C8orf34: variants seen among roughly 807,000 people sequenced by gnomAD.
The protein encoded by C8orf34 is chromosome 8 open reading frame 34, also known as uncharacterized protein C8orf34.
Under a neutral mutation model 68.3 loss-of-function variants are expected in C8orf34, and 65 were observed. That is an observed-to-expected ratio of 0.95 (90% CI 0.78 to 1.17). C8orf34 has a LOEUF of 1.17. C8orf34 is among the 50% of genes most tolerant of loss of function. C8orf34 has a pLI of 0.00. For synonymous variants in C8orf34, 244 were observed against 241.2 expected (o/e 1.01, Z -0.11); for missense variants, 664 against 655.4 (o/e 1.01, Z -0.14).
intron 7 of C8orf34, among the ~76,000 whole-genome samples, chr8:68,637,712 G>A (rs187109040): frequency 2.8e-4 from 42 of 152,282 alleles, no homozygotes; most frequent in Non-Finnish European, 5.1e-4. Flanking sequence ...CTAATTAGTA[G>A]ATTATAATAA....
At chr8:68,624,145 G>C (rs990919456) in intron 7 of C8orf34, among the ~76,000 whole-genome samples, 1 of 151,702 alleles carries the variant, frequency 6.6e-6, no homozygotes, top group African/African-American at 2.4e-5. Context: ...GGTGGTGCAC[G>C]CCTGTAATCC....
At chr8:68,470,450 C>G (rs1812333671) in intron 4 of C8orf34, among the ~76,000 whole-genome samples, 1 of 151,964 alleles carries the variant, frequency 6.6e-6, no homozygotes, top group Non-Finnish European at 1.5e-5. Flanking sequence ...CTGTGTTCCC[C>G]CAAATTTTTA....
intron 1 of C8orf34, among the ~76,000 whole-genome samples, chr8:68,344,065 T>C (rs576038991): frequency 1.3e-5 from 2 of 152,310 alleles, no homozygotes; most frequent in South Asian, 2.1e-4. Context: ...TTCATACTCC[T>C]GAACATTTAT....
chr8:68,532,334 T>C (rs758468922), intron 6 of C8orf34, among the ~76,000 whole-genome samples: 29 of 152,170 alleles, frequency 1.9e-4, no homozygotes, highest in Non-Finnish European at 3.4e-4. Context: ...GGAAGTAAGG[T>C]ATCTATACTT....
intron 3 of C8orf34, among the ~76,000 whole-genome samples, chr8:68,448,785 T>C (rs976715428): frequency 3.9e-5 from 6 of 152,084 alleles, no homozygotes; most frequent in African/African-American, 1.4e-4. Context: ...TTTTAAAATA[T>C]AAGAAACATA....
intron 7 of C8orf34, among the ~76,000 whole-genome samples, chr8:68,622,369 G>A (rs1176962815): frequency 6.6e-6 from 1 of 152,100 alleles, no homozygotes; most frequent in African/African-American, 2.4e-5. Flanking sequence ...CCATGTTAAA[G>A]TCATCCTGAC....
Position 68,466,738 on chromosome 8 carries a change from C to CATATATATATATATATGT in C8orf34, c.608-1938_608-1937insGTATATATATATATATAT, listed in dbSNP as rs1554556692. Among the ~76,000 whole-genome samples the CATATATATATATATATGT allele has an allele frequency of 3.3e-5, 4 of 120,628 alleles. 1 individual carries two copies. The highest frequency in any genetic ancestry group is 1.5e-4 in the African/African-American group (4 of 27,156). 79.1% of individuals were successfully genotyped at this position (120,628 alleles called of 152,430 possible). On this transcript the variant is annotated intron_variant, in intron 3 of 13. Transcript: ENST00000518698. ...TTCTGTGAAAATAAACAACGTTGTA[C>CATATATATATATATATGT]ATATATATATATATATATATATATA... is the stretch of plus-strand genomic sequence containing the variant.
chr8:68,403,395 A>G (rs1217462399), intron 1 of C8orf34, among the ~76,000 whole-genome samples: 1 of 151,944 alleles, frequency 6.6e-6, no homozygotes, highest in Non-Finnish European at 1.5e-5. Flanking sequence ...TCTTTTTATT[A>G]TTATTATAGT....
At chr8:68,439,839 T>C (rs1810825134) in intron 2 of C8orf34, among the ~76,000 whole-genome samples, 193 bp downstream of exon 2, 1 of 152,208 alleles carries the variant, frequency 6.6e-6, no homozygotes, top group South Asian at 2.1e-4. Flanking sequence ...GTATTATGTC[T>C]CAAAATACAA....
At chr8:68,766,263 G>A (rs1478027276) in intron 10 of C8orf34, among the ~76,000 whole-genome samples, 1 of 152,186 alleles carries the variant, frequency 6.6e-6, no homozygotes, top group East Asian at 1.9e-4. Flanking sequence ...CACAGTTCAG[G>A]AGGTTGGTCA....
At chr8:68,499,249 G>C (rs1334040264) in intron 5 of C8orf34, among the ~76,000 whole-genome samples, 1 of 152,076 alleles carries the variant, frequency 6.6e-6, no homozygotes, top group East Asian at 1.9e-4. Flanking sequence ...TGTTGCAAAG[G>C]ACAAGATTTT....
chr8:68,330,897 C>T, upstream of C8orf34: 3 of 885,408 alleles, frequency 3.4e-6, no homozygotes, highest in Non-Finnish European at 4.7e-6. Context: ...GCCTCCCGCC[C>T]CCTGATTCCT....
intron 5 of C8orf34, among the ~76,000 whole-genome samples, chr8:68,492,376 T>TGTG (rs1813351346): frequency 6.6e-6 from 1 of 152,046 alleles, no homozygotes. Context: ...ACTACAAACG[T>TGTG]GTGCCACCAT....
At chr8:68,781,450 T>C (rs561116615) in intron 11 of C8orf34, among the ~76,000 whole-genome samples, 5 of 152,228 alleles carry the variant, frequency 3.3e-5, no homozygotes, top group Non-Finnish European at 7.3e-5. Context: ...GGATTTCTTC[T>C]AAAAGTAACA....
chr8:68,764,277 C>A (rs1481234085), intron 10 of C8orf34, among the ~76,000 whole-genome samples: 1 of 152,168 alleles, frequency 6.6e-6, no homozygotes, highest in African/African-American at 2.4e-5. Flanking sequence ...TACAGGAATT[C>A]TAAATTTGAA....
At chr8:68,591,361 A>G (rs1301361306) in intron 7 of C8orf34, among the ~76,000 whole-genome samples, 1 of 152,286 alleles carries the variant, frequency 6.6e-6, no homozygotes, top group East Asian at 1.9e-4. Context: ...TTAACCATTT[A>G]ATAGGAATCT....
intron 10 of C8orf34, among the ~76,000 whole-genome samples, chr8:68,764,707 C>G (rs939899548): frequency 2.0e-5 from 3 of 152,098 alleles, no homozygotes; most frequent in Non-Finnish European, 4.4e-5. Flanking sequence ...TTGGGGGCCT[C>G]AGGTTTATTC....
intron 7 of C8orf34, among the ~76,000 whole-genome samples, chr8:68,613,979 AT>A (rs1446665408): frequency 6.6e-6 from 1 of 152,156 alleles, no homozygotes; most frequent in Non-Finnish European, 1.5e-5. Context: ...AATGATTGGC[AT>A]TCTAACTGGT....
intron 1 of C8orf34, among the ~76,000 whole-genome samples, chr8:68,336,705 C>T (rs1033639297): frequency 1.3e-5 from 2 of 152,186 alleles, no homozygotes; most frequent in African/African-American, 4.8e-5. Flanking sequence ...CTAGCATCCA[C>T]ATTTTGGTTT....
Sources: gnomAD v4.1 joint callset for allele counts (sites outside exome capture counted in the v4.1 genomes callset) on GRCh38, gnomAD v4.1.1 for gene constraint, MANE v1.5 for transcripts, NCBI Gene and HGNC (gene_info 2026-07-23, HGNC 2026-07-21) for gene names.